GTF2H3: variants seen among roughly 807,000 people sequenced by gnomAD.
The protein encoded by GTF2H3 is TFIIH basal transcription factor complex p34 subunit.
A neutral mutation model predicts 51.1 loss-of-function variants in GTF2H3; 42 were observed. That is an observed-to-expected ratio of 0.82 (90% confidence interval 0.64 to 1.06). GTF2H3 has a LOEUF of 1.06. GTF2H3 is among the 50% of genes least tolerant of loss of function. GTF2H3 has a pLI of 0.00. For missense variants in GTF2H3, 326 were observed against 366.1 expected, an observed-to-expected ratio of 0.89 and a Z score of 0.89; for synonymous variants, 123 against 123.8, an observed-to-expected ratio of 0.99 and a Z score of 0.04.
At chr12:123,638,581 A>T (rs953492013) in intron 1 of GTF2H3, among the ~76,000 whole-genome samples, 1 of 150,710 alleles carries the variant, frequency 6.6e-6, no homozygotes, top group Non-Finnish European at 1.5e-5. Flanking sequence ...AAGTGCTAGG[A>T]CTACAGGCCT....
chr12:123,655,688 G>GAGT, intron 8 of GTF2H3, 83 bp from the exon 9 acceptor site: 1 of 814,614 alleles, frequency 1.2e-6, no homozygotes, highest in Admixed American at 1.9e-5. Context: ...TTTAAGCATA[G>GAGT]AGTATGGCAT....
In GTF2H3 at chr12:123,660,826, C is replaced by G. The variant is rs1007407833; in HGVS notation, c.*591C>G. The stretch of plus-strand genomic sequence containing the variant: ...GTTTGTCACCAAATAACTACAAAAT[C>G]TCATTTTAAATGAGTAAGGAGAACG... On this transcript the variant is annotated 3_prime_UTR_variant, in exon 13 of 13. Coordinates refer to ENST00000543341, the MANE Select transcript of GTF2H3 (RefSeq NM_001516.5). 3 of 152,134 alleles carry G rather than the reference C, an allele frequency of 2.0e-5. No individual in the cohort carries two copies. Among genetic ancestry groups the G allele is most frequent in the African/African-American group, 7.2e-5 (3 of 41,420 alleles). The allele number at this position is 152,134 out of a possible 1,614,324, so 9.4% of individuals were successfully genotyped here.
chr12:123,638,864 C>T (rs1021625417), intron 1 of GTF2H3, among the ~76,000 whole-genome samples: 2 of 144,408 alleles, frequency 1.4e-5, no homozygotes, highest in Non-Finnish European at 3.0e-5. Context: ...GGCGTGATCT[C>T]GGCTCACTGC....
At chr12:123,639,427 G>A (rs896039055) in intron 2 of GTF2H3, 84 bp downstream of exon 2, 1 of 706,042 alleles carries the variant, frequency 1.4e-6, no homozygotes, top group African/African-American at 1.8e-5. Context: ...CTTTATTAAA[G>A]TATAATTTAC....
chr12:123,645,887 C>T (rs1457217471), intron 3 of GTF2H3, among the ~76,000 whole-genome samples: 3 of 152,204 alleles, frequency 2.0e-5, no homozygotes, highest in Admixed American at 6.5e-5. Context: ...TCTGCCCCAG[C>T]GTGCAAGTTA....
chr12:123,657,438 A>C (rs917930090), intron 9 of GTF2H3, among the ~76,000 whole-genome samples: 2 of 152,130 alleles, frequency 1.3e-5, no homozygotes, highest in Non-Finnish European at 1.5e-5. Flanking sequence ...CTTCGGCCAG[A>C]GGGGCGCTGC....
chr12:123,639,809 A>G (rs1440175441), intron 2 of GTF2H3: 6 of 330,806 alleles, frequency 1.8e-5, no homozygotes, highest in Non-Finnish European at 3.2e-5. Context: ...TTACATAATG[A>G]TAGTACAATT....
chr12:123,657,971 G>A (rs534515740), intron 9 of GTF2H3, among the ~76,000 whole-genome samples: 1 of 152,338 alleles, frequency 6.6e-6, no homozygotes, highest in East Asian at 1.9e-4. Flanking sequence ...GCAACCAGGA[G>A]AGCTTGAGTG....
At chr12:123,647,902 T>C (rs1443748457) in intron 3 of GTF2H3, 61 bp from the exon 4 acceptor site, 1 of 1,253,272 alleles carries the variant, frequency 8.0e-7, no homozygotes, top group African/African-American at 1.5e-5. Context: ...TTCATTCTGA[T>C]CATGAGTGAG....
At chr12:123,647,932 T>G (rs761288946) in intron 3 of GTF2H3, 31 bp from the exon 4 acceptor site, 1 of 1,592,434 alleles carries the variant, frequency 6.3e-7, no homozygotes, top group South Asian at 1.1e-5. Context: ...TGAGGCCTGG[T>G]GTAACCAGGT....
chr12:123,645,232 A>G (rs1955430040), intron 2 of GTF2H3, among the ~76,000 whole-genome samples: 2 of 151,934 alleles, frequency 1.3e-5, no homozygotes, highest in African/African-American at 4.8e-5. Flanking sequence ...CACCATGCCT[A>G]GCTAGTTTTG....
intron 7 of GTF2H3, among the ~76,000 whole-genome samples, chr12:123,653,190 G>T (rs1955540826): frequency 6.6e-6 from 1 of 152,168 alleles, no homozygotes; most frequent in Admixed American, 6.5e-5. Context: ...AACAAGCAAT[G>T]TGTAAAACTG....
At chr12:123,638,910 C>T in intron 1 of GTF2H3, among the ~76,000 whole-genome samples, 1 of 151,376 alleles carries the variant, frequency 6.6e-6, no homozygotes, top group Non-Finnish European at 1.5e-5. Context: ...ATTCTCCTGG[C>T]TCAGCCTCCC....
chr12:123,634,831 G>C (rs1009499402), intron 1 of GTF2H3, among the ~76,000 whole-genome samples: 1 of 152,224 alleles, frequency 6.6e-6, no homozygotes, highest in African/African-American at 2.4e-5. Context: ...GTCATGCAGG[G>C]CCTTATTGGC....
chr12:123,656,944 C>T (rs968506594), intron 9 of GTF2H3, among the ~76,000 whole-genome samples: 2 of 151,992 alleles, frequency 1.3e-5, no homozygotes, highest in African/African-American at 4.8e-5. Flanking sequence ...AAAAATTAGC[C>T]TATCATGGTG....
At chr12:123,638,296 T>A (rs1030417417) in intron 1 of GTF2H3, among the ~76,000 whole-genome samples, 2 of 151,904 alleles carry the variant, frequency 1.3e-5, no homozygotes, top group African/African-American at 4.8e-5. Context: ...GTAGCTGGGA[T>A]TACAGGTGCT....
At chr12:123,653,100 GA>G (rs983648754) in intron 7 of GTF2H3, among the ~76,000 whole-genome samples, 3 of 140,466 alleles carry the variant, frequency 2.1e-5, no homozygotes, top group African/African-American at 5.2e-5. Context: ...GTCTCAAAAA[GA>G]AAAAAAAAAG....
chr12:123,653,864 G>T (rs1955550485), intron 7 of GTF2H3, among the ~76,000 whole-genome samples: 1 of 152,090 alleles, frequency 6.6e-6, no homozygotes, highest in African/African-American at 2.4e-5. Flanking sequence ...AGTAATCACT[G>T]CTTATTTTCC....
chr12:123,637,007 C>G (rs1358962666), intron 1 of GTF2H3, among the ~76,000 whole-genome samples: 1 of 152,134 alleles, frequency 6.6e-6, no homozygotes, highest in African/African-American at 2.4e-5. Flanking sequence ...ATCACTTGAG[C>G]CCAGGAGGTC....
Sources: allele counts gnomAD v4.1 joint callset (sites outside exome capture counted in the v4.1 genomes callset), GRCh38; gene constraint gnomAD v4.1.1; transcripts MANE v1.5; gene names NCBI Gene and HGNC (gene_info 2026-07-23, HGNC 2026-07-21).